The following COLGALT2 variants were observed in gnomAD, a reference collection of about 807,000 sequenced individuals.
The protein encoded by COLGALT2 is collagen beta(1-O)galactosyltransferase 2.
In COLGALT2, 49 loss-of-function variants were observed where a neutral mutation model predicts 73.4. That is an observed-to-expected ratio of 0.67 (90% confidence interval 0.53 to 0.85). The LOEUF (loss-of-function observed/expected upper bound fraction) is 0.85, where lower values mean the gene tolerates loss of function less well. Among genes scored for constraint, COLGALT2 ranks in the 40% least tolerant of loss-of-function variants. COLGALT2 has a pLI of 0.00. For missense variants in COLGALT2, 722 were observed against 790.2 expected (o/e 0.91, Z 1.03); for synonymous variants, 295 against 307.6 (o/e 0.96, Z 0.43).
At chr1:183,976,734 GA>G (rs1011178515) in intron 2 of COLGALT2, among the ~76,000 whole-genome samples, 1 of 151,720 alleles carries the variant, frequency 6.6e-6, no homozygotes, top group Non-Finnish European at 1.5e-5. Flanking sequence ...AACTTATTTA[GA>G]AAAAAAATAC....
At chr1:184,033,007 G>A (rs192754223) in intron 1 of COLGALT2, among the ~76,000 whole-genome samples, 52 of 152,252 alleles carry the variant, frequency 3.4e-4, no homozygotes, top group Non-Finnish European at 5.1e-4. Context: ...TCCATAAAGC[G>A]GTTCCCAATT....
chr1:183,957,778 G>GTTTTT (rs367921171), intron 6 of COLGALT2, among the ~76,000 whole-genome samples: 6 of 118,910 alleles, frequency 5.0e-5, no homozygotes, highest in South Asian at 2.9e-4. Context: ...TTTTGTGGTG[G>GTTTTT]TTTTTTTTTT....
At chr1:183,989,452 G>C (rs1168519133) in intron 1 of COLGALT2, among the ~76,000 whole-genome samples, 1 of 152,164 alleles carries the variant, frequency 6.6e-6, no homozygotes, top group Non-Finnish European at 1.5e-5. Context: ...CTTGCTACGT[G>C]CAGCAATTAT....
chr1:183,984,838 GA>G (rs1459435851), intron 1 of COLGALT2, among the ~76,000 whole-genome samples: 1 of 152,202 alleles, frequency 6.6e-6, no homozygotes, highest in African/African-American at 2.4e-5. Context: ...AGGACTAAGG[GA>G]AACACGTATT....
chr1:184,007,758 CA>C (rs1672123561), intron 1 of COLGALT2, among the ~76,000 whole-genome samples: 1 of 152,164 alleles, frequency 6.6e-6, no homozygotes, highest in Admixed American at 6.5e-5. Context: ...CCAGGGTCCT[CA>C]AGCTTATCCC....
intron 6 of COLGALT2, among the ~76,000 whole-genome samples, chr1:183,961,729 T>A (rs1022850111): frequency 6.6e-6 from 1 of 152,214 alleles, no homozygotes; most frequent in Non-Finnish European, 1.5e-5. Flanking sequence ...TGCTCATTTG[T>A]TCATGCATTC....
chr1:183,951,133 G>C lies in COLGALT2; in HGVS notation c.1030-20C>G, dbSNP rs942250358. On this transcript the variant is annotated intron_variant, in intron 7 of 11. Coordinates refer to ENST00000361927, the MANE Select transcript of COLGALT2 (RefSeq NM_015101.4). ...GAAAATCTAATGCAAGAAGGAAAAG[G>C]GAAAAGACACATAAATTACTCAAGT... The C allele has an allele frequency of 7.1e-6, 11 of 1,550,722 alleles. No homozygotes were observed. The highest frequency in any genetic ancestry group is 6.2e-6 in the Non-Finnish European group (7 of 1,122,538).
chr1:184,033,610 C>T (rs1649580870), intron 1 of COLGALT2, among the ~76,000 whole-genome samples: 1 of 152,224 alleles, frequency 6.6e-6, no homozygotes, highest in East Asian at 1.9e-4. Context: ...TTGATGCTGA[C>T]TGAGATAACT....
At chr1:183,994,739 C>A (rs1373081007) in intron 1 of COLGALT2, among the ~76,000 whole-genome samples, 1 of 152,186 alleles carries the variant, frequency 6.6e-6, no homozygotes, top group East Asian at 1.9e-4. Context: ...CAGGTGTGAG[C>A]CACTGCGCCT....
chr1:183,937,928 G>T lies in COLGALT2; in HGVS notation c.*833C>A. On this transcript the variant is annotated 3_prime_UTR_variant, in exon 12 of 12. Transcript: ENST00000361927. ...GCTCTGTAGCAGCGCGCAAACCCGG[G>T]ACAGGGCAGGATGCACAGCCAGTCC... is the stretch of plus-strand genomic sequence containing the variant. 1.0e-6 allele frequency: 1 copy of T among 985,394 alleles called. No individual in the cohort carries two copies. The allele number at this position is 985,394 out of a possible 1,614,324, so 61.0% of individuals were successfully genotyped here. A position where few individuals can be genotyped will look rare whatever the true frequency, so the allele number is the denominator to read the frequency against.
intron 11 of COLGALT2, among the ~76,000 whole-genome samples, chr1:183,930,569 CTTTTTTTTTTTTTT>C (rs397861890): frequency 8.8e-6 from 1 of 114,066 alleles, no homozygotes; most frequent in Non-Finnish European, 1.7e-5. Context: ...TTTTCTTTTT[CTTTTTTTTTTTTTT>C]TTTTTTTGTA....
At chr1:183,993,055 A>G (rs1671672239) in intron 1 of COLGALT2, among the ~76,000 whole-genome samples, 1 of 152,226 alleles carries the variant, frequency 6.6e-6, no homozygotes, top group African/African-American at 2.4e-5. Flanking sequence ...CTAGATGCAA[A>G]AATGCCATCC....
At chr1:183,966,625 T>A (rs1207274701) in intron 5 of COLGALT2, among the ~76,000 whole-genome samples, 1 of 152,212 alleles carries the variant, frequency 6.6e-6, no homozygotes, top group Admixed American at 6.5e-5. Context: ...GTGTTCAGGA[T>A]CTGTCTGCCC....
At chr1:183,942,885 G>C (rs972057348) in intron 10 of COLGALT2, among the ~76,000 whole-genome samples, 1 of 152,180 alleles carries the variant, frequency 6.6e-6, no homozygotes, top group African/African-American at 2.4e-5. Flanking sequence ...GAACGGGAAC[G>C]TATGCCAGCT....
At chr1:184,017,230 G>T (rs960541799) in intron 1 of COLGALT2, among the ~76,000 whole-genome samples, 33 of 152,162 alleles carry the variant, frequency 2.2e-4, no homozygotes, top group African/African-American at 8.0e-4. Flanking sequence ...TAGCAAAAAA[G>T]AAATGCATCT....
At chr1:184,022,575 T>C (rs1445870931) in intron 1 of COLGALT2, among the ~76,000 whole-genome samples, 1 of 152,216 alleles carries the variant, frequency 6.6e-6, no homozygotes, top group Non-Finnish European at 1.5e-5. Context: ...GTATGGTTCT[T>C]CTGCTCCTTT....
At chr1:184,011,756 A>G (rs1383250860) in intron 1 of COLGALT2, among the ~76,000 whole-genome samples, 1 of 152,184 alleles carries the variant, frequency 6.6e-6, no homozygotes, top group Non-Finnish European at 1.5e-5. Context: ...TAAACCCTAT[A>G]TGTAAAACCT....
Position 184,037,417 on chromosome 1 carries a change from G to A in COLGALT2, c.-60C>T. On this transcript the variant is annotated 5_prime_UTR_variant, in exon 1 of 12. Coordinates refer to ENST00000361927, the MANE Select transcript of COLGALT2 (RefSeq NM_015101.4). ...GCGCGAGCGCCCGGCTGGGCTGCCT[G>A]AGGGCGGCGGCGGCTGCCGGGGAGC... is the stretch of plus-strand genomic sequence containing the variant. 7.8e-7 allele frequency: 1 copy of A among 1,274,808 alleles called. No homozygotes were observed. The highest frequency in any genetic ancestry group is 1.6e-5 in the African/African-American group (1 of 64,352). 79.0% of individuals were successfully genotyped at this position (1,274,808 alleles called of 1,614,324 possible).
At chr1:183,969,720 A>C (rs1386480960) in intron 4 of COLGALT2, among the ~76,000 whole-genome samples, 1 of 152,214 alleles carries the variant, frequency 6.6e-6, no homozygotes, top group East Asian at 1.9e-4. Context: ...ATATCTCTAG[A>C]TTTAATAATT....
Sources: gnomAD v4.1 joint callset for allele counts (sites outside exome capture counted in the v4.1 genomes callset) on GRCh38, gnomAD v4.1.1 for gene constraint, MANE v1.5 for transcripts, NCBI Gene and HGNC (gene_info 2026-07-23, HGNC 2026-07-21) for gene names.